Variants in DEPDC1B observed in about 807,000 individuals in gnomAD.
DEPDC1B encodes the protein DEP domain-containing protein 1B.
A neutral mutation model predicts 66.5 loss-of-function variants in DEPDC1B; 51 were observed. The ratio of observed to expected loss-of-function variants is 0.77; its 90% CI spans 0.61 to 0.97. DEPDC1B has a LOEUF of 0.97. DEPDC1B is among the 50% of genes least tolerant of loss of function. The pLI, the probability that DEPDC1B is intolerant of heterozygous loss-of-function variation, is 0.00. For missense variants in DEPDC1B, 552 were observed against 637.1 expected (o/e 0.87, Z 1.44); for synonymous variants, 226 against 223.6 (o/e 1.01, Z -0.10).
At chr5:60,631,796 C>A (rs1171901828) in intron 7 of DEPDC1B, among the ~76,000 whole-genome samples, 1 of 152,200 alleles carries the variant, frequency 6.6e-6, no homozygotes, top group Non-Finnish European at 1.5e-5. Context: ...TAGGGTCTCA[C>A]TGAAATTGTG....
At chr5:60,690,841 G>C (rs1181863505) in intron 1 of DEPDC1B, among the ~76,000 whole-genome samples, 3 of 151,912 alleles carry the variant, frequency 2.0e-5, no homozygotes, top group Non-Finnish European at 2.9e-5. Flanking sequence ...ACTCTCTGCT[G>C]CCCAACCACC....
At chr5:60,674,340 CT>C (rs1754110538) in intron 2 of DEPDC1B, among the ~76,000 whole-genome samples, 1 of 152,118 alleles carries the variant, frequency 6.6e-6, no homozygotes, top group East Asian at 1.9e-4. Flanking sequence ...CAGGAATTAC[CT>C]TTTATGACTC....
At position 60,605,829 on chromosome 5, in the gene DEPDC1B, A is replaced by G. The variant is rs79974480; in HGVS notation, c.926T>C (p.Val309Ala). 5 of 1,612,026 alleles carry G rather than the reference A, an allele frequency of 3.1e-6. No homozygotes were observed. The African/African-American group carries it at 4.0e-5, about 13-fold the overall frequency. Reference sequence around the variant, plus strand: ...AAGGCAGCAAATCTGAAATGCTTCAACTGCCACTTTCTCCTTCTGTAACAA... The same window carrying G: ...AAGGCAGCAAATCTGAAATGCTTCAGCTGCCACTTTCTCCTTCTGTAACAA... ...LGLLQKEKVA[V>A]EAFQICCLLL... is the part of the protein sequence containing the mutation. The change falls in exon 8 of 11, where the codon GTT (valine) becomes GCT (alanine). Residue 309 changes from valine (V) to alanine (A), a missense_variant. Physicochemically the swap from Val to Ala is moderately conservative, Grantham distance 64 (BLOSUM62 0). Transcript: ENST00000265036.
chr5:60,654,263 G>A (rs780037962), intron 2 of DEPDC1B, among the ~76,000 whole-genome samples: 5 of 148,614 alleles, frequency 3.4e-5, no homozygotes, highest in Non-Finnish European at 7.4e-5. Flanking sequence ...ATTTGTTTGT[G>A]TCATCTATGA....
intron 1 of DEPDC1B, among the ~76,000 whole-genome samples, chr5:60,699,454 A>AAAAAAAAAAAC (rs1168069082): frequency 4.8e-4 from 73 of 150,906 alleles, no homozygotes; most frequent in African/African-American, 1.7e-3. Context: ...AAAAAAAAAA[A>AAAAAAAAAAAC]AAAAAAAACA....
chr5:60,619,410 C>T (rs1188510278), intron 7 of DEPDC1B, among the ~76,000 whole-genome samples: 1 of 152,210 alleles, frequency 6.6e-6, no homozygotes, highest in Non-Finnish European at 1.5e-5. Context: ...AGCCCAAAAT[C>T]TCCTTAAGCT....
intron 9 of DEPDC1B, among the ~76,000 whole-genome samples, chr5:60,601,764 G>A (rs1262906979): frequency 1.3e-5 from 2 of 152,150 alleles, no homozygotes; most frequent in African/African-American, 4.8e-5. Flanking sequence ...AACAAAGGCA[G>A]CTACTAATTG....
intron 2 of DEPDC1B, among the ~76,000 whole-genome samples, chr5:60,683,854 G>C (rs1230660425): frequency 6.6e-6 from 1 of 151,940 alleles, no homozygotes; most frequent in Non-Finnish European, 1.5e-5. Flanking sequence ...CTTATATAGA[G>C]AAAATCCTAA....
Position 60,617,161 on chromosome 5 carries a change from C to CT in DEPDC1B, c.899-11306_899-11305insA. 2.0e-5 allele frequency among the ~76,000 whole-genome samples: 3 copies of CT among 152,324 alleles called. No individual in the cohort carries two copies. In the South Asian group the frequency reaches 6.2e-4, roughly 32 times the overall value. ...AGCACTAAACATGGAAAGGAACATACGGTACCAGCCACTGCAAAATCATGC... is the reference window on the plus strand; with the variant it reads ...AGCACTAAACATGGAAAGGAACATACTGGTACCAGCCACTGCAAAATCATGC... On this transcript the variant is annotated intron_variant, in intron 7 of 10. Transcript: ENST00000265036.
chr5:60,687,272 T>G, intron 1 of DEPDC1B, 45 bp from the exon 2 acceptor site: 1 of 1,559,306 alleles, frequency 6.4e-7, no homozygotes, highest in Non-Finnish European at 8.7e-7. Context: ...AACTGATTTT[T>G]TTAAGATTAC....
At position 60,603,466 on chromosome 5, in the gene DEPDC1B, G is replaced by T. The variant is rs757222718; in HGVS notation, c.1167C>A (p.Tyr389Ter). ...ARLVTFLMDN[Y>*]QEILKVPLAL... ...CCAAAGGGACTTTCAGAATTTCCTG[G>T]TAATTGTCCATCAGAAACGTTACCA... Residue 389 changes from tyrosine (Y) to a stop codon, truncating the protein, a stop_gained, in exon 9 of 11, where the codon TAC becomes TAA. Transcript: ENST00000265036. LOFTEE classifies it high-confidence loss of function. 6.2e-7 allele frequency: 1 copy of T among 1,612,750 alleles called. No homozygotes were observed. Among genetic ancestry groups the T allele is most frequent in the South Asian group, 1.1e-5 (1 of 90,902 alleles).
At chr5:60,680,045 A>T (rs1180884364) in intron 2 of DEPDC1B, among the ~76,000 whole-genome samples, 1 of 152,208 alleles carries the variant, frequency 6.6e-6, no homozygotes, top group African/African-American at 2.4e-5. Flanking sequence ...GAGATCATAA[A>T]GATTAAATGA....
At chr5:60,622,887 C>G (rs768697855) in intron 7 of DEPDC1B, among the ~76,000 whole-genome samples, 4 of 151,936 alleles carry the variant, frequency 2.6e-5, no homozygotes, top group Non-Finnish European at 5.9e-5. Flanking sequence ...TTGAAGTGTT[C>G]TCTACATATC....
chr5:60,649,751 AAGAC>A (rs1753399872), intron 2 of DEPDC1B, among the ~76,000 whole-genome samples: 1 of 152,110 alleles, frequency 6.6e-6, no homozygotes, highest in African/African-American at 2.4e-5. Flanking sequence ...ACACAAAAAA[AAGAC>A]AGTGTGCCCC....
chr5:60,600,970 C>A (rs1752189103), intron 9 of DEPDC1B, among the ~76,000 whole-genome samples: 1 of 152,150 alleles, frequency 6.6e-6, no homozygotes, highest in Admixed American at 6.5e-5. Flanking sequence ...CCATGCTGTT[C>A]TTATGATAGT....
In DEPDC1B at chr5:60,644,798, T is replaced by C. The variant is rs779893453; in HGVS notation, c.656A>G (p.His219Arg). ...CTGCTTGCTAACACTATATACATTATGGATGATGAACTTCGAATTGACAAG... is the reference window on the plus strand; with the variant it reads ...CTGCTTGCTAACACTATATACATTACGGATGATGAACTTCGAATTGACAAG... ...VKLVNSKFII[H>R]NVYSVSKQGV... The change falls in exon 5 of 11, where the codon CAT becomes CGT. Residue 219 changes from histidine to arginine, a missense_variant. Transcript: ENST00000265036. The C allele has an allele frequency of 8.1e-6, 13 of 1,611,530 alleles. No homozygotes were observed. Among genetic ancestry groups the C allele is most frequent in the Middle Eastern group, 3.3e-4 (2 of 6,066 alleles).
At chr5:60,692,691 C>T (rs973191863) in intron 1 of DEPDC1B, among the ~76,000 whole-genome samples, 3 of 152,076 alleles carry the variant, frequency 2.0e-5, no homozygotes, top group Non-Finnish European at 4.4e-5. Flanking sequence ...CAACAGAAAT[C>T]CATATATATG....
chr5:60,691,364 T>C (rs1754541435), intron 1 of DEPDC1B, among the ~76,000 whole-genome samples: 1 of 152,136 alleles, frequency 6.6e-6, no homozygotes, highest in African/African-American at 2.4e-5. Context: ...CTTTTTCTAC[T>C]TTTTTTAACC....
intron 1 of DEPDC1B, among the ~76,000 whole-genome samples, chr5:60,695,156 T>C (rs1356869973): frequency 6.6e-6 from 1 of 151,970 alleles, no homozygotes; most frequent in Non-Finnish European, 1.5e-5. Flanking sequence ...GGATGGAGAG[T>C]TGTGTTAGTC....
Sources: gnomAD v4.1 joint callset for allele counts (sites outside exome capture counted in the v4.1 genomes callset) on GRCh38, gnomAD v4.1.1 for gene constraint, MANE v1.5 for transcripts, NCBI Gene and HGNC (gene_info 2026-07-23, HGNC 2026-07-21) for gene names.